SUSD5: variants seen among roughly 807,000 people sequenced by gnomAD.
The protein encoded by SUSD5 is sushi domain-containing protein 5.
In SUSD5, 33 loss-of-function variants were observed where a neutral mutation model predicts 29.5. The ratio of observed to expected loss-of-function variants is 1.12; its 90% CI spans 0.85 to 1.49. The LOEUF is 1.49. Among genes scored for constraint, SUSD5 ranks in the 40% most tolerant of loss-of-function variants. The probability of loss-of-function intolerance (pLI) is 0.00; values close to 1 mark genes in which losing one functional copy is unlikely to be tolerated. For missense variants in SUSD5, 776 were observed against 800.6 expected (o/e 0.97, Z 0.37); for synonymous variants, 308 against 325.3 (o/e 0.95, Z 0.57).
intron 3 of SUSD5, among the ~76,000 whole-genome samples, chr3:33,197,436 AT>A (rs1380235244): frequency 3.3e-5 from 5 of 152,086 alleles, no homozygotes; most frequent in African/African-American, 1.2e-4. Context: ...CTGCTCGATA[AT>A]TTTTTTCTTG....
At chr3:33,169,381 C>T (rs1001009812) in intron 4 of SUSD5, among the ~76,000 whole-genome samples, 6 of 152,064 alleles carry the variant, frequency 3.9e-5, no homozygotes, top group African/African-American at 7.3e-5. Context: ...CCACCACGCC[C>T]GGCTAAGTTT....
rs1294261564 is a variant in SUSD5 at position 33,167,525 on chromosome 3, A to G, written c.598+7361T>C. Among the ~76,000 whole-genome samples, 3 of 152,128 alleles carry G rather than the reference A, an allele frequency of 2.0e-5. No individual in the cohort carries two copies. Among genetic ancestry groups the G allele is most frequent in the African/African-American group, 7.2e-5 (3 of 41,436 alleles). On this transcript the variant is annotated intron_variant, in intron 4 of 4. Transcript: ENST00000309558. The surrounding 1 kb of genome is among the most constrained non-coding windows in gnomAD (Gnocchi z 4.1). ...TGCCTCCAGAGCTCCCTGAGGCTAC[A>G]GCAACCCTGGGCAGAAGCCCAGGGC... is the stretch of plus-strand genomic sequence containing the variant.
At position 33,167,797 on chromosome 3, in the gene SUSD5, T is replaced by C. The variant is rs569006270; in HGVS notation, c.598+7089A>G. 6.6e-6 allele frequency among the ~76,000 whole-genome samples: 1 copy of C among 152,342 alleles called. No homozygotes were observed. Among genetic ancestry groups the C allele is most frequent in the East Asian group, 1.9e-4 (1 of 5,182 alleles). ...CCCACAAGATGGAGAAGCCCAGCTC[T>C]CTGCCTGTGGAGGTACTGTATCTCT... is the stretch of plus-strand genomic sequence containing the variant. On this transcript the variant is annotated intron_variant, in intron 4 of 4. Coordinates refer to ENST00000309558, the MANE Select transcript of SUSD5 (RefSeq NM_015551.2). The surrounding 1 kb of genome is among the most constrained non-coding windows in gnomAD (Gnocchi z 4.1).
In SUSD5 at chr3:33,203,726, A is replaced by G. The variant is rs116821671; in HGVS notation, c.409+4082T>C. On this transcript the variant is annotated intron_variant, in intron 3 of 4. Coordinates refer to ENST00000309558, the MANE Select transcript of SUSD5 (RefSeq NM_015551.2). ...CTCTGCCTCTGGAACACATCCGGAC[A>G]GTTTGCTGCTGAGCTTTCTGGAGGC... Among the ~76,000 whole-genome samples, 1,286 of 152,262 alleles carry G rather than the reference A, an allele frequency of 8.4e-3. 19 individuals are homozygous for G. Among genetic ancestry groups the G allele is most frequent in the African/African-American group, 0.029 (1,213 of 41,560 alleles).
rs570266743 is a variant in SUSD5, at chr3:33,178,540, G to A, written c.410-3466C>T. The stretch of plus-strand genomic sequence containing the variant: ...TGGCTCACTGCAGGCTCCGCCTCCC[G>A]GGATCATGCCATTTTCCTGCCTCAG... On this transcript the variant is annotated intron_variant, in intron 3 of 4. Transcript: ENST00000309558. Among the ~76,000 whole-genome samples the A allele has an allele frequency of 4.7e-4, 72 of 151,692 alleles. 3 individuals carry two copies. The South Asian group carries it at 8.2e-3, about 17-fold the overall frequency.
chr3:33,214,655 G>C (rs1421562493), intron 1 of SUSD5, among the ~76,000 whole-genome samples: 1 of 152,078 alleles, frequency 6.6e-6, no homozygotes, highest in African/African-American at 2.4e-5. Context: ...GATGATGTCT[G>C]GTACACCTTG....
In SUSD5 at chr3:33,152,650, T is replaced by A; in HGVS notation, c.*92A>T. 7.4e-7 allele frequency: 1 copy of A among 1,344,566 alleles called. No individual in the cohort carries two copies. The highest frequency in any genetic ancestry group is 1.0e-6 in the Non-Finnish European group (1 of 993,652). 83.3% of individuals were successfully genotyped at this position (1,344,566 alleles called of 1,614,324 possible). A position where few individuals can be genotyped will look rare whatever the true frequency, so the allele number is the denominator to read the frequency against. ...CTGAGGAAAAAATGATGAGCCTCAG[T>A]CCACCTGCGTCATGCTCTAGTGAAT... On this transcript the variant is annotated 3_prime_UTR_variant, in exon 5 of 5. Coordinates refer to ENST00000309558, the MANE Select transcript of SUSD5 (RefSeq NM_015551.2).
At chr3:33,179,570 G>A (rs981639521) in intron 3 of SUSD5, among the ~76,000 whole-genome samples, 1 of 152,184 alleles carries the variant, frequency 6.6e-6, no homozygotes, top group Non-Finnish European at 1.5e-5. Context: ...ACCAAACAAG[G>A]TAGGTCAAGT....
At position 33,196,081 on chromosome 3, in the gene SUSD5, T is replaced by C. The variant is rs563236825; in HGVS notation, c.409+11727A>G. 9.2e-5 allele frequency among the ~76,000 whole-genome samples: 14 copies of C among 152,330 alleles called. No individual in the cohort carries two copies. In the South Asian group the frequency reaches 2.9e-3, roughly 32 times the overall value. The stretch of plus-strand genomic sequence containing the variant: ...GAATAAAAACCAGCTCCATTTCCCA[T>C]ATAAATGGTTGGAGACTGATGGTCT... On this transcript the variant is annotated intron_variant, in intron 3 of 4. Transcript: ENST00000309558.
chr3:33,178,499 T>G (rs1000660724), intron 3 of SUSD5, among the ~76,000 whole-genome samples: 1 of 151,714 alleles, frequency 6.6e-6, no homozygotes, highest in Non-Finnish European at 1.5e-5. Context: ...CAGGTTGGAG[T>G]GCAGTGGCGT....
chr3:33,201,647 AG>A (rs2032119286), intron 3 of SUSD5, among the ~76,000 whole-genome samples: 1 of 152,090 alleles, frequency 6.6e-6, no homozygotes, highest in African/African-American at 2.4e-5. Context: ...GTGGCAGGTG[AG>A]GGGGCATCAC....
chr3:33,177,680 G>A (rs2031580672), intron 3 of SUSD5, among the ~76,000 whole-genome samples: 1 of 152,232 alleles, frequency 6.6e-6, no homozygotes, highest in Admixed American at 6.5e-5. Context: ...AACTGGTAAT[G>A]TGTTTTTAAT....
intron 4 of SUSD5, among the ~76,000 whole-genome samples, chr3:33,174,444 C>T (rs1255400478): frequency 1.3e-5 from 2 of 152,148 alleles, no homozygotes; most frequent in Non-Finnish European, 2.9e-5. Context: ...CAAGAATCAC[C>T]ACCCTCAGGG....
At chr3:33,174,748 G>C in intron 4 of SUSD5, 138 bp downstream of exon 4, 1 of 890,758 alleles carries the variant, frequency 1.1e-6, no homozygotes, top group Non-Finnish European at 1.7e-6. Flanking sequence ...TAGGTCCAGA[G>C]CTCAGGATAA....
intron 3 of SUSD5, among the ~76,000 whole-genome samples, chr3:33,193,553 T>C (rs974116358): frequency 5.3e-5 from 8 of 152,110 alleles, no homozygotes; most frequent in African/African-American, 1.7e-4. Flanking sequence ...GCTGCATATA[T>C]GGAATTCAGG....
intron 3 of SUSD5, among the ~76,000 whole-genome samples, chr3:33,189,371 G>A (rs985584415): frequency 6.6e-5 from 10 of 151,584 alleles, no homozygotes; most frequent in African/African-American, 1.5e-4. Flanking sequence ...CCAGCTACTC[G>A]GGGACTGAGG....
In SUSD5 at chr3:33,202,024, TTATC is replaced by T. The variant is rs60454731; in HGVS notation, c.409+5780_409+5783del. 9.4e-3 allele frequency among the ~76,000 whole-genome samples: 1,372 copies of T among 146,634 alleles called. 16 individuals are homozygous for T. Among genetic ancestry groups the T allele is most frequent in the South Asian group, 0.031 (144 of 4,674 alleles). Reference sequence around the variant, plus strand: ...TTAACTCCTTGAGAGAGGGGAGAAGTTATCTATCTATCTATCTATCTATCTATCT... The same window carrying T: ...TTAACTCCTTGAGAGAGGGGAGAAGTTATCTATCTATCTATCTATCTATCT... On this transcript the variant is annotated intron_variant, in intron 3 of 4. Transcript: ENST00000309558.
intron 2 of SUSD5, among the ~76,000 whole-genome samples, chr3:33,208,977 T>C (rs75926793): frequency 0.031 from 4,702 of 152,290 alleles, 128 homozygotes; most frequent in Non-Finnish European, 0.046. Context: ...TGAAGAGCAC[T>C]TGTTAGTGTT....
At chr3:33,178,507 C>T (rs1331052192) in intron 3 of SUSD5, among the ~76,000 whole-genome samples, 5 of 150,688 alleles carry the variant, frequency 3.3e-5, no homozygotes, top group Non-Finnish European at 5.9e-5. Flanking sequence ...AGTGCAGTGG[C>T]GTGATTTTGG....
Sources: gnomAD v4.1 joint callset for allele counts (sites outside exome capture counted in the v4.1 genomes callset) on GRCh38, gnomAD v4.1.1 for gene constraint, Gnocchi (gnomAD v3.1) non-coding constraint, MANE v1.5 for transcripts, NCBI Gene and HGNC (gene_info 2026-07-23, HGNC 2026-07-21) for gene names.